GUCY2C: variants seen among roughly 807,000 people sequenced by gnomAD.
GUCY2C encodes the protein guanylate cyclase 2C.
Under a neutral mutation model 131.1 loss-of-function variants are expected in GUCY2C, and 118 were observed. The observed-to-expected ratio is 0.90, with a 90% CI of 0.78 to 1.05. The LOEUF (loss-of-function observed/expected upper bound fraction) is 1.05, where lower values mean the gene tolerates loss of function less well. GUCY2C is among the 50% of genes least tolerant of loss of function. The pLI, the probability that GUCY2C is intolerant of heterozygous loss-of-function variation, is 0.00. For missense variants in GUCY2C, 1,161 were observed against 1,304.4 expected, an observed-to-expected ratio of 0.89 and a Z score of 1.69; for synonymous variants, 452 against 457.8, an observed-to-expected ratio of 0.99 and a Z score of 0.16.
chr12:14,693,073 C>T (rs1375003313), intron 1 of GUCY2C, among the ~76,000 whole-genome samples: 1 of 152,082 alleles, frequency 6.6e-6, no homozygotes, highest in East Asian at 1.9e-4. Context: ...AACTTCAAAT[C>T]AAAGGTTTAC....
Position 14,614,695 on chromosome 12 carries a change from A to C in GUCY2C, c.3047+172T>G, listed in dbSNP as rs1946720365. On this transcript the variant is annotated intron_variant, in intron 26 of 26. Coordinates refer to ENST00000261170, the MANE Select transcript of GUCY2C (RefSeq NM_004963.4). ...CAGGAAAATGCAGGGTTTCAGGATA[A>C]TCCCCTTCTTGCAGTCTAGGAAGGG... is the stretch of plus-strand genomic sequence containing the variant. 7 of 552,548 alleles carry C rather than the reference A, an allele frequency of 1.3e-5. 1 individual carries two copies. In the South Asian group the frequency reaches 1.5e-4, roughly 12 times the overall value. The allele number at this position is 552,548 out of a possible 1,614,324, so 34.2% of individuals were successfully genotyped here. A position where few individuals can be genotyped will look rare whatever the true frequency, so the allele number is the denominator to read the frequency against.
In GUCY2C at chr12:14,621,218, T is replaced by G; in HGVS notation, c.2602-2A>C. 1.2e-6 allele frequency: 2 copies of G among 1,607,398 alleles called. No homozygotes were observed. Among genetic ancestry groups the G allele is most frequent in the Non-Finnish European group, 1.7e-6 (2 of 1,175,208 alleles). ...GTACGCATCACCGATGGTTTCCACC[T>G]GTGGAAACAGTTTCTCATGAGTGCC... On this transcript the variant is annotated splice_acceptor_variant, in intron 22 of 26. Coordinates refer to ENST00000261170, the MANE Select transcript of GUCY2C (RefSeq NM_004963.4). LOFTEE classifies it high-confidence loss of function.
At chr12:14,696,077 C>G (rs1948649563) in intron 1 of GUCY2C, among the ~76,000 whole-genome samples, 155 bp downstream of exon 1, 1 of 152,206 alleles carries the variant, frequency 6.6e-6, no homozygotes, top group African/African-American at 2.4e-5. Flanking sequence ...TCAAATTCTT[C>G]TCTCTAAGGA....
intron 10 of GUCY2C, among the ~76,000 whole-genome samples, chr12:14,666,464 G>A (rs1195960985): frequency 6.6e-6 from 1 of 152,196 alleles, no homozygotes; most frequent in Non-Finnish European, 1.5e-5. Flanking sequence ...GCTGGGCGCC[G>A]TGGCTCATGC....
chr12:14,629,166 G>A (rs892880568), intron 19 of GUCY2C, among the ~76,000 whole-genome samples: 3 of 152,304 alleles, frequency 2.0e-5, no homozygotes, highest in Middle Eastern at 3.4e-3. Flanking sequence ...AGCCCACCAA[G>A]AGTTTTGCCT....
intron 12 of GUCY2C, among the ~76,000 whole-genome samples, chr12:14,654,101 T>G (rs1947716822): frequency 6.6e-6 from 1 of 152,216 alleles, no homozygotes. Context: ...AAAATACTTC[T>G]CTTTTTACCC....
chr12:14,631,226 A>T (rs988425026), intron 19 of GUCY2C, among the ~76,000 whole-genome samples: 3 of 152,128 alleles, frequency 2.0e-5, no homozygotes, highest in African/African-American at 2.4e-5. Flanking sequence ...TGTCTTTTTT[A>T]AAATTTTTTT....
At chr12:14,642,985 T>C (rs564619763) in intron 17 of GUCY2C, among the ~76,000 whole-genome samples, 11 of 152,352 alleles carry the variant, frequency 7.2e-5, no homozygotes, top group African/African-American at 2.6e-4. Flanking sequence ...CTGTGAGTCA[T>C]AGTCAAGAAA....
intron 21 of GUCY2C, among the ~76,000 whole-genome samples, chr12:14,622,436 G>C (rs954898842): frequency 6.6e-6 from 1 of 152,174 alleles, no homozygotes; most frequent in Non-Finnish European, 1.5e-5. Flanking sequence ...CATTAACTTA[G>C]TGTTTGATTA....
At chr12:14,646,688 T>TA (rs1310764269) in intron 15 of GUCY2C, among the ~76,000 whole-genome samples, 3 of 152,218 alleles carry the variant, frequency 2.0e-5, no homozygotes, top group Non-Finnish European at 4.4e-5. Context: ...GTATATGTAA[T>TA]AAATATTATA....
chr12:14,696,570 A>C lies in GUCY2C; in HGVS notation c.-122T>G. On this transcript the variant is annotated 5_prime_UTR_variant, in exon 1 of 27. Coordinates refer to ENST00000261170, the MANE Select transcript of GUCY2C (RefSeq NM_004963.4). The stretch of plus-strand genomic sequence containing the variant: ...GGAGTCCCTCAGCCCACTCTTCCCC[A>C]CGCTTCTCTCTGGTCATGCCCAACT... 2 of 699,724 alleles carry C rather than the reference A, an allele frequency of 2.9e-6. No individual in the cohort carries two copies. Among genetic ancestry groups the C allele is most frequent in the South Asian group, 3.5e-5 (2 of 57,882 alleles). The allele number at this position is 699,724 out of a possible 1,614,324, so 43.3% of individuals were successfully genotyped here.
At chr12:14,686,097 G>A (rs1488277803) in intron 3 of GUCY2C, 64 bp downstream of exon 3, 4 of 998,052 alleles carry the variant, frequency 4.0e-6, no homozygotes, top group Admixed American at 1.8e-5. Context: ...CTAGACTGTT[G>A]TTTGATGAGT....
chr12:14,687,708 G>C (rs1470219955), intron 2 of GUCY2C, among the ~76,000 whole-genome samples: 1 of 152,136 alleles, frequency 6.6e-6, no homozygotes, highest in African/African-American at 2.4e-5. Context: ...CCTTACAAAT[G>C]AAAGTGTACA....
intron 1 of GUCY2C, among the ~76,000 whole-genome samples, chr12:14,695,983 C>T (rs1948648019): frequency 1.3e-5 from 2 of 152,138 alleles, no homozygotes; most frequent in African/African-American, 4.8e-5. Context: ...TGGGACGTTT[C>T]ACTGCCGTGA....
chr12:14,623,604 G>C (rs1269288890), intron 21 of GUCY2C, among the ~76,000 whole-genome samples: 1 of 152,202 alleles, frequency 6.6e-6, no homozygotes, highest in Non-Finnish European at 1.5e-5. Flanking sequence ...AGTCACATGA[G>C]TTTGGTGATA....
intron 19 of GUCY2C, among the ~76,000 whole-genome samples, chr12:14,634,428 T>A (rs1374482120): frequency 6.6e-6 from 1 of 151,850 alleles, no homozygotes; most frequent in Non-Finnish European, 1.5e-5. Flanking sequence ...TCTACCACCA[T>A]GAAAACACAT....
intron 10 of GUCY2C, among the ~76,000 whole-genome samples, chr12:14,661,445 T>C (rs1321032838): frequency 6.6e-6 from 1 of 152,130 alleles, no homozygotes; most frequent in Non-Finnish European, 1.5e-5. Context: ...ACATGTATTT[T>C]TTTTTCTTTT....
In GUCY2C at chr12:14,621,315, G is replaced by T. The variant is rs10846030; in HGVS notation, c.2602-99C>A. ...CATGTCAAACACAAAAAGTGATTTG[G>T]GAACACAGTATGAGCATAGCCCTTT... On this transcript the variant is annotated intron_variant, in intron 22 of 26. Transcript: ENST00000261170. 634 of 1,058,804 alleles carry T rather than the reference G, an allele frequency of 6.0e-4. 5 individuals are homozygous for T. In the African/African-American group the frequency reaches 8.1e-3, roughly 14 times the overall value. 65.6% of individuals were successfully genotyped at this position (1,058,804 alleles called of 1,614,324 possible).
chr12:14,617,085 ACT>A (rs1448366551), intron 24 of GUCY2C, among the ~76,000 whole-genome samples: 3 of 151,936 alleles, frequency 2.0e-5, no homozygotes, highest in Non-Finnish European at 2.9e-5. Flanking sequence ...TGCCCCTGCC[ACT>A]CTCTTTCTTA....
Sources: allele counts gnomAD v4.1 joint callset (sites outside exome capture counted in the v4.1 genomes callset), GRCh38; gene constraint gnomAD v4.1.1; transcripts MANE v1.5; gene names NCBI Gene and HGNC (gene_info 2026-07-23, HGNC 2026-07-21).